Variants in STAT1 observed in about 807,000 individuals in gnomAD.
The protein encoded by STAT1 is signal transducer and activator of transcription 1-alpha/beta.
In STAT1, 24 loss-of-function variants were observed where a neutral mutation model predicts 111.7. That is an observed-to-expected ratio of 0.21 (90% confidence interval 0.16 to 0.30). The LOEUF is 0.30. Ranked by LOEUF, STAT1 falls within the 10% of genes least tolerant of loss-of-function variation. STAT1 has a pLI of 1.00. For synonymous variants in STAT1, 332 were observed against 326.5 expected (o/e 1.02, Z -0.18); for missense variants, 351 against 911.9 (o/e 0.38, Z 7.92).
rs1694138557 is a variant in STAT1, at chr2:190,999,897, AT to A, written c.463-194del. Among the ~76,000 whole-genome samples the A allele has an allele frequency of 1.3e-5, 2 of 152,182 alleles. No individual in the cohort carries two copies. On this transcript the variant is annotated intron_variant, in intron 6 of 24. Coordinates refer to ENST00000361099, the MANE Select transcript of STAT1 (RefSeq NM_007315.4). This position sits in a 1 kb window ranked among gnomAD's most constrained non-coding sequence, Gnocchi z 4.1. ...GTTTCATTAATAAGTATGTCATAACATTTTTAAAAAAGCAAACGTACAATAA... is the reference window on the plus strand; with the variant it reads ...GTTTCATTAATAAGTATGTCATAACATTTTAAAAAAGCAAACGTACAATAA...
chr2:190,974,916 G>C lies in STAT1; in HGVS notation c.2152C>G (p.Gln718Glu). 1 of 1,614,204 alleles carries C rather than the reference G, an allele frequency of 6.2e-7. No homozygotes were observed. Among genetic ancestry groups the C allele is most frequent in the Non-Finnish European group, 8.5e-7 (1 of 1,179,990 alleles). Residue 718 changes from glutamine (Q) to glutamate (E), a missense_variant, in exon 24 of 25, where the codon CAG becomes GAG. Transcript: ENST00000361099. This position sits in a 1 kb window ranked among gnomAD's most constrained non-coding sequence, Gnocchi z 4.8. ...ATGGGGAGCAGGTTGTCTGTGGTCT[G>C]AAGTCTAGAAGGGTGACTAAAATGG... ...SVSEVHPSRL[Q>E]TTDNLLPMSP...
chr2:190,974,984 A>AC lies in STAT1; in HGVS notation c.2136-53dup, dbSNP rs767725494. On this transcript the variant is annotated intron_variant, in intron 23 of 24. Transcript: ENST00000361099. The surrounding 1 kb of genome is among the most constrained non-coding windows in gnomAD (Gnocchi z 4.8). ...ATGTCAACATCTGAGTGATGAAAGC[A>AC]CTAGTGCATACTTACACACTTTATC... 3.2e-6 allele frequency: 4 copies of AC among 1,253,354 alleles called. No individual in the cohort carries two copies. The African/African-American group carries it at 5.9e-5, about 18-fold the overall frequency. 77.6% of individuals were successfully genotyped at this position (1,253,354 alleles called of 1,614,324 possible). A position where few individuals can be genotyped will look rare whatever the true frequency, so the allele number is the denominator to read the frequency against.
In STAT1 at chr2:190,971,429, T is replaced by C. The variant is rs1691454288; in HGVS notation, c.2239-712A>G. Among the ~76,000 whole-genome samples, 1 of 152,086 alleles carries C rather than the reference T, an allele frequency of 6.6e-6. No individual in the cohort carries two copies. Among genetic ancestry groups the C allele is most frequent in the Non-Finnish European group, 1.5e-5 (1 of 68,018 alleles). ...CATGTGCTTACTGGTATCTATTTGG[T>C]AGAAGCCAGAGGTGTTGCTGAACCT... is the stretch of plus-strand genomic sequence containing the variant. On this transcript the variant is annotated intron_variant, in intron 24 of 24. Transcript: ENST00000361099. The surrounding 1 kb of genome is among the most constrained non-coding windows in gnomAD (Gnocchi z 4.1).
rs763160630 is a variant in STAT1 at position 190,980,445 on chromosome 2, G to A, written c.1632+175C>T. 1.1e-4 allele frequency among the ~76,000 whole-genome samples: 17 copies of A among 152,216 alleles called. No homozygotes were observed. The highest frequency in any genetic ancestry group is 1.9e-4 in the Non-Finnish European group (13 of 68,036). ...GGTGCTTCCTGTCAGACTCCTGCTC[G>A]GAGACCAACCTCCTGCACTGAAGAA... On this transcript the variant is annotated intron_variant, in intron 19 of 24. Transcript: ENST00000361099. This position sits in a 1 kb window ranked among gnomAD's most constrained non-coding sequence, Gnocchi z 6.1.
At position 190,982,762 on chromosome 2, in the gene STAT1, T is replaced by C. The variant is rs1381378190; in HGVS notation, c.1447-244A>G. On this transcript the variant is annotated intron_variant, in intron 17 of 24. Transcript: ENST00000361099. This position sits in a 1 kb window ranked among gnomAD's most constrained non-coding sequence, Gnocchi z 7.3. ...AAATACATGGCATCTTTGGGGTCAT[T>C]TGAAGACACACCCGTGCACACACAG... Among the ~76,000 whole-genome samples the C allele has an allele frequency of 6.6e-6, 1 of 152,212 alleles. No homozygotes were observed. Among genetic ancestry groups the C allele is most frequent in the Non-Finnish European group, 1.5e-5 (1 of 68,034 alleles).
intron 5 of STAT1, among the ~76,000 whole-genome samples, chr2:191,005,834 C>G (rs1276640474): frequency 6.6e-6 from 1 of 152,194 alleles, no homozygotes; most frequent in Non-Finnish European, 1.5e-5. Context: ...TTTCCCTTTC[C>G]CTGACATCCC....
chr2:190,971,481 C>A lies in STAT1; in HGVS notation c.2239-764G>T, dbSNP rs968425013. Among the ~76,000 whole-genome samples the A allele has an allele frequency of 2.6e-5, 4 of 152,088 alleles. No individual in the cohort carries two copies. The highest frequency in any genetic ancestry group is 4.8e-5 in the African/African-American group (2 of 41,410). Reference sequence around the variant, plus strand: ...CTACGAAGCACAGGAAAGCTCCCCACCCCACCAATCCCCAACAAATAATTC... The same window carrying A: ...CTACGAAGCACAGGAAAGCTCCCCAACCCACCAATCCCCAACAAATAATTC... On this transcript the variant is annotated intron_variant, in intron 24 of 24. Coordinates refer to ENST00000361099, the MANE Select transcript of STAT1 (RefSeq NM_007315.4). The surrounding 1 kb of genome is among the most constrained non-coding windows in gnomAD (Gnocchi z 4.1).
rs1692381898 is a variant in STAT1 at position 190,981,419 on chromosome 2, G to A, written c.1583-750C>T. On this transcript the variant is annotated intron_variant, in intron 18 of 24. Transcript: ENST00000361099. The surrounding 1 kb of genome is among the most constrained non-coding windows in gnomAD (Gnocchi z 4.1). ...GAGAAACGAGAGGAAGAAGCCCGGGGTTATTAGCTACACAAATTAAAGCAG... is the reference window on the plus strand; with the variant it reads ...GAGAAACGAGAGGAAGAAGCCCGGGATTATTAGCTACACAAATTAAAGCAG... Among the ~76,000 whole-genome samples, 1 of 152,242 alleles carries A rather than the reference G, an allele frequency of 6.6e-6. No homozygotes were observed. The highest frequency in any genetic ancestry group is 2.4e-5 in the African/African-American group (1 of 41,464).
Position 190,984,261 on chromosome 2 carries a change from A to G in STAT1, c.1347+49T>C, listed in dbSNP as rs909230618. The G allele has an allele frequency of 7.1e-7, 1 of 1,409,114 alleles. No homozygotes were observed. Among genetic ancestry groups the G allele is most frequent in the Admixed American group, 1.7e-5 (1 of 59,440 alleles). 87.3% of individuals were successfully genotyped at this position (1,409,114 alleles called of 1,614,324 possible). Reference sequence around the variant, plus strand: ...AGAAATAAAAATACATGTAACAATTAAAAGTAAAAATAATGAAGTTTTCCA... The same window carrying G: ...AGAAATAAAAATACATGTAACAATTGAAAGTAAAAATAATGAAGTTTTCCA... On this transcript the variant is annotated intron_variant, in intron 16 of 24. Coordinates refer to ENST00000361099, the MANE Select transcript of STAT1 (RefSeq NM_007315.4). This position sits in a 1 kb window ranked among gnomAD's most constrained non-coding sequence, Gnocchi z 5.2.
chr2:190,991,516 C>G (rs41429349), intron 10 of STAT1, among the ~76,000 whole-genome samples, 196 bp from the exon 11 acceptor site: 2 of 152,068 alleles, frequency 1.3e-5, no homozygotes, highest in Admixed American at 1.3e-4. Flanking sequence ...AGGGACTTAA[C>G]AGAAACAGAA....
In STAT1 at chr2:190,974,487, G is replaced by A. The variant is rs1464217718; in HGVS notation, c.2238+343C>T. On this transcript the variant is annotated intron_variant, in intron 24 of 24. Transcript: ENST00000361099. The surrounding 1 kb of genome is among the most constrained non-coding windows in gnomAD (Gnocchi z 4.8). Reference sequence around the variant, plus strand: ...CTCCCCTAGACACAGTGATGAAATCGCATTCCGAAGAAAAACATTTGCTTA... The same window carrying A: ...CTCCCCTAGACACAGTGATGAAATCACATTCCGAAGAAAAACATTTGCTTA... Among the ~76,000 whole-genome samples, 3 of 152,262 alleles carry A rather than the reference G, an allele frequency of 2.0e-5. No individual in the cohort carries two copies. The highest frequency in any genetic ancestry group is 1.9e-4 in the East Asian group (1 of 5,192).
chr2:190,987,921 T>A lies in STAT1; in HGVS notation c.1098-853A>T, dbSNP rs1378543732. On this transcript the variant is annotated intron_variant, in intron 12 of 24. Transcript: ENST00000361099. This position sits in a 1 kb window ranked among gnomAD's most constrained non-coding sequence, Gnocchi z 4.0. ...GGATAGTATGATAAAAGCTGACTTG[T>A]CAAAGCTAAGAAGACCGTCAGAGCT... is the stretch of plus-strand genomic sequence containing the variant. 6.6e-5 allele frequency among the ~76,000 whole-genome samples: 10 copies of A among 152,136 alleles called. No individual in the cohort carries two copies. The highest frequency in any genetic ancestry group is 6.5e-4 in the Admixed American group (10 of 15,278).
rs1693841450 is a variant in STAT1 at position 190,996,168 on chromosome 2, AGC to A, written c.786-951_786-950del. 6.6e-6 allele frequency among the ~76,000 whole-genome samples: 1 copy of A among 152,238 alleles called. No homozygotes were observed. The highest frequency in any genetic ancestry group is 2.4e-5 in the African/African-American group (1 of 41,456). ...CTCAGTCTAGACCCTAAACATAAAA[AGC>A]CAATGAGTAAACCCAGTGATTGCTC... On this transcript the variant is annotated intron_variant, in intron 9 of 24. Coordinates refer to ENST00000361099, the MANE Select transcript of STAT1 (RefSeq NM_007315.4). This position sits in a 1 kb window ranked among gnomAD's most constrained non-coding sequence, Gnocchi z 4.5.
In STAT1 at chr2:190,979,640, G is replaced by A. The variant is rs2125009910; in HGVS notation, c.1727+132C>T. 1.4e-6 allele frequency: 1 copy of A among 740,454 alleles called. No homozygotes were observed. The highest frequency in any genetic ancestry group is 2.4e-6 in the Non-Finnish European group (1 of 412,764). The allele number at this position is 740,454 out of a possible 1,614,324, so 45.9% of individuals were successfully genotyped here. ...GTTCTACTCTTCTGAAGCCCTGAAG[G>A]GGCAGCCTATAAATGCGCACTCCTG... is the stretch of plus-strand genomic sequence containing the variant. On this transcript the variant is annotated intron_variant, in intron 20 of 24. Transcript: ENST00000361099. The surrounding 1 kb of genome is among the most constrained non-coding windows in gnomAD (Gnocchi z 5.8).
chr2:191,006,266 A>T lies in STAT1; in HGVS notation c.372+1297T>A, dbSNP rs1302924375. The stretch of plus-strand genomic sequence containing the variant: ...GGTATATGCCAGGTTAGAGACAGGC[A>T]CACCTCTTTCAGAGGAGACAACCTG... On this transcript the variant is annotated intron_variant, in intron 5 of 24. Coordinates refer to ENST00000361099, the MANE Select transcript of STAT1 (RefSeq NM_007315.4). The surrounding 1 kb of genome is among the most constrained non-coding windows in gnomAD (Gnocchi z 4.6). Among the ~76,000 whole-genome samples, 1 of 152,222 alleles carries T rather than the reference A, an allele frequency of 6.6e-6. No individual in the cohort carries two copies. The highest frequency in any genetic ancestry group is 2.4e-5 in the African/African-American group (1 of 41,460).
rs1691287819 is a variant in STAT1 at position 190,969,398 on chromosome 2, A to G, written c.*1305T>C. On this transcript the variant is annotated 3_prime_UTR_variant, in exon 25 of 25. Coordinates refer to ENST00000361099, the MANE Select transcript of STAT1 (RefSeq NM_007315.4). ...AAGAAGAATACAGCATTTGCATGAT[A>G]ATATAGTTGTGGTAGCAGTAGTGGA... 6.6e-6 allele frequency: 1 copy of G among 152,172 alleles called. No homozygotes were observed. The highest frequency in any genetic ancestry group is 6.5e-5 in the Admixed American group (1 of 15,280). 9.4% of individuals were successfully genotyped at this position (152,172 alleles called of 1,614,324 possible).
intron 24 of STAT1, among the ~76,000 whole-genome samples, chr2:190,972,439 A>G (rs1419060364): frequency 3.9e-5 from 6 of 152,168 alleles, no homozygotes; most frequent in Non-Finnish European, 7.4e-5. Flanking sequence ...TCTCTTGGAC[A>G]ATTTCCTCAG....
Position 190,995,530 on chromosome 2 carries a change from A to G in STAT1, c.786-311T>C, listed in dbSNP as rs1385002880. Among the ~76,000 whole-genome samples, 2 of 152,198 alleles carry G rather than the reference A, an allele frequency of 1.3e-5. No homozygotes were observed. The highest frequency in any genetic ancestry group is 2.9e-5 in the Non-Finnish European group (2 of 68,042). ...GTGAGACTTACTCACTACCATGAGA[A>G]CAGTATTGGGGGAACCACCCCCATG... On this transcript the variant is annotated intron_variant, in intron 9 of 24. Transcript: ENST00000361099. The surrounding 1 kb of genome is among the most constrained non-coding windows in gnomAD (Gnocchi z 4.2).
intron 10 of STAT1, among the ~76,000 whole-genome samples, chr2:190,992,213 T>C (rs1250236753): frequency 6.6e-6 from 1 of 152,202 alleles, no homozygotes; most frequent in Admixed American, 6.5e-5. Context: ...AAATCAGATC[T>C]TACATATAAC....
Sources: allele counts gnomAD v4.1 joint callset (sites outside exome capture counted in the v4.1 genomes callset), GRCh38; gene constraint gnomAD v4.1.1; non-coding constraint Gnocchi (gnomAD v3.1); transcripts MANE v1.5; gene names NCBI Gene and HGNC (gene_info 2026-07-23, HGNC 2026-07-21).